The following EPN2 variants were observed in gnomAD, a reference collection of about 807,000 sequenced individuals.
The protein encoded by EPN2 is epsin-2.
Under a neutral mutation model 61.7 loss-of-function variants are expected in EPN2, and 34 were observed. That is an observed-to-expected ratio of 0.55 (90% confidence interval 0.42 to 0.73). EPN2 has a LOEUF of 0.73. Ranked by LOEUF, EPN2 falls within the 30% of genes least tolerant of loss-of-function variation. The pLI is 0.00. For missense variants in EPN2, 714 were observed against 839.2 expected, an observed-to-expected ratio of 0.85 and a Z score of 1.84; for synonymous variants, 349 against 353.6, an observed-to-expected ratio of 0.99 and a Z score of 0.15.
At chr17:19,312,208 C>A in intron 6 of EPN2, 64 bp downstream of exon 6, 1 of 1,173,978 alleles carries the variant, frequency 8.5e-7, no homozygotes, top group Non-Finnish European at 1.3e-6. Flanking sequence ...CAATATCCCC[C>A]CACCAACTTG....
chr17:19,293,982 C>T (rs1291248355), intron 4 of EPN2, among the ~76,000 whole-genome samples: 1 of 151,652 alleles, frequency 6.6e-6, no homozygotes, highest in Non-Finnish European at 1.5e-5. Context: ...CCCAGCTACC[C>T]AGGAAGCTGA....
At chr17:19,322,701 C>A (rs1906694182) in intron 7 of EPN2, among the ~76,000 whole-genome samples, 1 of 149,830 alleles carries the variant, frequency 6.7e-6, no homozygotes, top group South Asian at 2.1e-4. Flanking sequence ...GATTGCACCA[C>A]TGCGCTCCAG....
chr17:19,241,584 CAAAAAAA>C (rs767439856), intron 1 of EPN2, among the ~76,000 whole-genome samples: 1 of 60,084 alleles, frequency 1.7e-5, no homozygotes, highest in African/African-American at 6.7e-5. Context: ...GACTCTGTCT[CAAAAAAA>C]AAAAAAAAAA....
intron 1 of EPN2, among the ~76,000 whole-genome samples, chr17:19,265,943 T>A (rs1430891326): frequency 1.3e-5 from 2 of 152,204 alleles, no homozygotes; most frequent in Admixed American, 6.5e-5. Context: ...AGGGTTCATG[T>A]TTCCACTCTG....
At chr17:19,298,787 A>G (rs990351131) in intron 4 of EPN2, among the ~76,000 whole-genome samples, 3 of 152,242 alleles carry the variant, frequency 2.0e-5, no homozygotes, top group African/African-American at 7.2e-5. Flanking sequence ...TGTACGTTAC[A>G]TATGCTAATA....
chr17:19,262,179 TCCA>T (rs1243883658), intron 1 of EPN2, among the ~76,000 whole-genome samples: 1 of 136,278 alleles, frequency 7.3e-6, no homozygotes, highest in Non-Finnish European at 1.6e-5. Context: ...AGAGCAAGAC[TCCA>T]TCTAAAAAAA....
At chr17:19,237,856 C>G (rs2044834610) in intron 1 of EPN2, among the ~76,000 whole-genome samples, 1 of 152,192 alleles carries the variant, frequency 6.6e-6, no homozygotes, top group African/African-American at 2.4e-5. Context: ...CCCCTTACTC[C>G]TACCTCGGAT....
chr17:19,277,733 C>G (rs2045321249), intron 1 of EPN2, among the ~76,000 whole-genome samples: 4 of 152,148 alleles, frequency 2.6e-5, no homozygotes, highest in Admixed American at 1.3e-4. Flanking sequence ...GTTTCAGCCT[C>G]CAAAGTCTCG....
intron 4 of EPN2, among the ~76,000 whole-genome samples, chr17:19,309,380 C>G (rs559017148): frequency 6.6e-6 from 1 of 152,192 alleles, no homozygotes; most frequent in African/African-American, 2.4e-5. Flanking sequence ...CCGCCCGCCT[C>G]GGCCTCCCAA....
Position 19,279,538 on chromosome 17 carries a change from A to G in EPN2, c.-293-2417A>G, listed in dbSNP as rs538416588. On this transcript the variant is annotated intron_variant, in intron 1 of 10. Transcript: ENST00000314728. ...ACTGCAAGCTCTGCCTCCCGGGTTC[A>G]CGCCATTCTCCCACCTCAGCCTCCC... Among the ~76,000 whole-genome samples the G allele has an allele frequency of 6.0e-5, 9 of 150,672 alleles. No individual in the cohort carries two copies. The East Asian group carries it at 1.4e-3, about 23-fold the overall frequency.
chr17:19,266,983 G>A (rs1336874047), intron 1 of EPN2, among the ~76,000 whole-genome samples: 1 of 148,704 alleles, frequency 6.7e-6, no homozygotes, highest in Non-Finnish European at 1.5e-5. Flanking sequence ...TCAGGAGATC[G>A]AGATAGCCAC....
intron 4 of EPN2, among the ~76,000 whole-genome samples, chr17:19,292,521 C>A (rs2045475353): frequency 6.6e-6 from 1 of 152,264 alleles, no homozygotes; most frequent in Admixed American, 6.5e-5. Flanking sequence ...CGTTAGCTTA[C>A]TCTAGAGAGA....
rs2044932358 is a variant in EPN2, at chr17:19,245,250, T to C, written c.-294+7719T>C. Among the ~76,000 whole-genome samples, 2 of 152,148 alleles carry C rather than the reference T, an allele frequency of 1.3e-5. 1 individual carries two copies. The highest frequency in any genetic ancestry group is 4.1e-4 in the South Asian group (2 of 4,832). On this transcript the variant is annotated intron_variant, in intron 1 of 10. Transcript: ENST00000314728. ...GTGTGGGCTAGTAAGGGTTTTTGTG[T>C]TTGCAGAGCTGTGTTAAAATAATTG...
intron 4 of EPN2, among the ~76,000 whole-genome samples, chr17:19,290,000 C>T (rs1017106638): frequency 5.3e-5 from 8 of 152,020 alleles, no homozygotes; most frequent in Admixed American, 2.6e-4. Flanking sequence ...GGATTACAGG[C>T]GTGAGCCACC....
Position 19,331,928 on chromosome 17 carries a change from C to A in EPN2, c.1487C>A (p.Thr496Asn). The A allele has an allele frequency of 6.2e-7, 1 of 1,614,200 alleles. No homozygotes were observed. The highest frequency in any genetic ancestry group is 8.5e-7 in the Non-Finnish European group (1 of 1,180,036). ...GACCCCTTTGAGTCTCAACCCCTGACTGTCGCCTCAAGCAAGCCCAGCAGT... is the reference window on the plus strand; with the variant it reads ...GACCCCTTTGAGTCTCAACCCCTGAATGTCGCCTCAAGCAAGCCCAGCAGT... ...SPDPFESQPLTVASSKPSSAR... is the reference protein window; with the variant it reads ...SPDPFESQPLNVASSKPSSAR... The change falls in exon 10 of 11, where the codon ACT (threonine) becomes AAT (asparagine). Residue 496 changes from threonine (T) to asparagine (N), a missense_variant. Around this residue, in one of 2 missense-constraint regions of EPN2, gnomAD observed 410 missense variants for 421.8 expected, o/e 0.97. Coordinates refer to ENST00000314728, the MANE Select transcript of EPN2 (RefSeq NM_014964.5).
intron 7 of EPN2, among the ~76,000 whole-genome samples, chr17:19,324,426 C>T (rs1434954034): frequency 2.6e-5 from 4 of 152,160 alleles, no homozygotes; most frequent in Non-Finnish European, 5.9e-5. Flanking sequence ...CTCTGCCTCC[C>T]GGGTTCAAGC....
At chr17:19,328,000 G>A (rs1906968146) in intron 7 of EPN2, among the ~76,000 whole-genome samples, 1 of 152,182 alleles carries the variant, frequency 6.6e-6, no homozygotes, top group East Asian at 1.9e-4. Flanking sequence ...TCACAGCGTT[G>A]ACACTTAACA....
intron 4 of EPN2, among the ~76,000 whole-genome samples, chr17:19,287,030 G>T (rs2045411919): frequency 6.6e-6 from 1 of 152,094 alleles, no homozygotes; most frequent in African/African-American, 2.4e-5. Flanking sequence ...GACAAGGTCT[G>T]TTTTGAGCCT....
intron 4 of EPN2, among the ~76,000 whole-genome samples, chr17:19,302,015 G>A (rs1905548332): frequency 6.6e-6 from 1 of 152,238 alleles, no homozygotes; most frequent in Non-Finnish European, 1.5e-5. Flanking sequence ...CTGGGCGGCT[G>A]TGAGCCGCAG....
Sources: gnomAD v4.1 joint callset for allele counts (sites outside exome capture counted in the v4.1 genomes callset) on GRCh38, gnomAD v4.1.1 for gene constraint, gnomAD v4.1.1 regional missense constraint, MANE v1.5 for transcripts, NCBI Gene and HGNC (gene_info 2026-07-23, HGNC 2026-07-21) for gene names.